GRID1: variants seen among roughly 807,000 people sequenced by gnomAD.
GRID1 encodes glutamate receptor ionotropic, delta-1.
GRID1 carries 28 observed loss-of-function variants against 98.0 expected under a neutral mutation model. The observed-to-expected ratio is 0.29, with a 90% CI of 0.21 to 0.39. The LOEUF is 0.39. Ranked by LOEUF, GRID1 falls within the 10% of genes least tolerant of loss-of-function variation. The pLI, the probability that GRID1 is intolerant of heterozygous loss-of-function variation, is 1.00. For synonymous variants in GRID1, 553 were observed against 538.5 expected (o/e 1.03, Z -0.37); for missense variants, 1,111 against 1,340.5 (o/e 0.83, Z 2.67).
chr10:86,180,578 C>T (rs559165004), intron 3 of GRID1, among the ~76,000 whole-genome samples: 2 of 152,298 alleles, frequency 1.3e-5, no homozygotes, highest in African/African-American at 2.4e-5. Flanking sequence ...TGGGCAGAGG[C>T]CTGAGCACCC....
intron 12 of GRID1, among the ~76,000 whole-genome samples, chr10:85,689,472 T>G (rs1464255671): frequency 6.7e-6 from 1 of 148,324 alleles, no homozygotes; most frequent in Admixed American, 6.7e-5. Context: ...TAATAAAAGG[T>G]CTATAGTTAT....
At chr10:86,275,206 C>T (rs974365531) in intron 2 of GRID1, among the ~76,000 whole-genome samples, 2 of 152,018 alleles carry the variant, frequency 1.3e-5, no homozygotes, top group East Asian at 3.9e-4. Flanking sequence ...TCAGTGATCA[C>T]ACAAGACAAT....
At chr10:86,263,464 C>G (rs368583747) in intron 2 of GRID1, among the ~76,000 whole-genome samples, 2 of 152,240 alleles carry the variant, frequency 1.3e-5, no homozygotes, top group African/African-American at 4.8e-5. Context: ...TTCCAGCGTG[C>G]AGCACCAAGT....
intron 3 of GRID1, among the ~76,000 whole-genome samples, chr10:86,149,637 A>G (rs545747087): frequency 6.6e-6 from 1 of 152,354 alleles, no homozygotes; most frequent in East Asian, 1.9e-4. Context: ...CTACTCTGGC[A>G]CTTTCGAAAA....
chr10:85,847,306 T>C (rs1244250798), intron 8 of GRID1, among the ~76,000 whole-genome samples: 2 of 152,154 alleles, frequency 1.3e-5, no homozygotes, highest in African/African-American at 4.8e-5. Context: ...CAAGTTGAGA[T>C]ATGAAAAAGA....
At chr10:85,861,748 G>C (rs1230894510) in intron 6 of GRID1, among the ~76,000 whole-genome samples, 2 of 152,216 alleles carry the variant, frequency 1.3e-5, no homozygotes, top group Non-Finnish European at 2.9e-5. Flanking sequence ...ACAAAGGCCA[G>C]CTGCAGTCCA....
intron 4 of GRID1, among the ~76,000 whole-genome samples, chr10:86,003,538 C>T (rs989922520): frequency 2.0e-5 from 3 of 152,224 alleles, no homozygotes; most frequent in Non-Finnish European, 4.4e-5. Flanking sequence ...GCCAAGGCCA[C>T]CAGCAGCCAG....
chr10:86,272,009 A>G (rs1031453685), intron 2 of GRID1, among the ~76,000 whole-genome samples: 5 of 152,162 alleles, frequency 3.3e-5, no homozygotes, highest in Non-Finnish European at 7.4e-5. Context: ...ATCAAGATAA[A>G]GAGAAAATCT....
chr10:86,009,284 C>T (rs1842899172), intron 4 of GRID1, among the ~76,000 whole-genome samples: 1 of 152,106 alleles, frequency 6.6e-6, no homozygotes, highest in Non-Finnish European at 1.5e-5. Context: ...CATTTCTCAA[C>T]TCAATACCAC....
At chr10:85,879,282 C>T (rs531525727) in intron 5 of GRID1, among the ~76,000 whole-genome samples, 27 of 152,240 alleles carry the variant, frequency 1.8e-4, no homozygotes, top group African/African-American at 6.3e-4. Context: ...TAATAGACAT[C>T]TACAGAACTC....
At chr10:86,087,948 C>T (rs995537110) in intron 4 of GRID1, among the ~76,000 whole-genome samples, 8 of 152,226 alleles carry the variant, frequency 5.3e-5, no homozygotes, top group Non-Finnish European at 8.8e-5. Flanking sequence ...ATGCAGAGCA[C>T]GTCCTACAGT....
chr10:85,675,171 T>C (rs1841130398), intron 12 of GRID1, among the ~76,000 whole-genome samples: 2 of 152,210 alleles, frequency 1.3e-5, no homozygotes, highest in African/African-American at 4.8e-5. Flanking sequence ...ATTCATACTC[T>C]TGGAGGGTCT....
chr10:85,681,844 G>A (rs375895276), intron 12 of GRID1, among the ~76,000 whole-genome samples: 7 of 152,068 alleles, frequency 4.6e-5, no homozygotes, highest in South Asian at 2.1e-4. Flanking sequence ...CATGCTCAGC[G>A]CAGTGTCTGT....
chr10:86,032,366 C>A (rs1428185743), intron 4 of GRID1, among the ~76,000 whole-genome samples: 4 of 151,980 alleles, frequency 2.6e-5, no homozygotes, highest in Non-Finnish European at 4.4e-5. Flanking sequence ...ATGACGATGG[C>A]AGTTTTGTCG....
At chr10:86,053,443 C>T (rs1166382257) in intron 4 of GRID1, among the ~76,000 whole-genome samples, 4 of 151,896 alleles carry the variant, frequency 2.6e-5, no homozygotes, top group African/African-American at 4.8e-5. Flanking sequence ...CTGCAACCTC[C>T]GCCTCCCTGG....
Position 86,260,449 on chromosome 10 carries a change from C to T in GRID1, c.236-53801G>A, listed in dbSNP as rs376747819. On this transcript the variant is annotated intron_variant, in intron 2 of 15. Transcript: ENST00000327946. ...ACTTCTATGCTCCCACCACCCCAAC[C>T]ATGTGTCCCACTCTGTCTTCCTGGT... is the stretch of plus-strand genomic sequence containing the variant. Among the ~76,000 whole-genome samples the T allele has an allele frequency of 2.2e-4, 33 of 152,364 alleles. 1 individual carries two copies. In the South Asian group the frequency reaches 6.8e-3, roughly 32 times the overall value.
rs145905031 is a variant in GRID1 at position 85,664,655 on chromosome 10, G to A, written c.1998-17258C>T. ...AGGCATGGGTACCTTGGAAGTGGCAGTGGCAGCAATATTAGAATCTGAGGT... is the reference window on the plus strand; with the variant it reads ...AGGCATGGGTACCTTGGAAGTGGCAATGGCAGCAATATTAGAATCTGAGGT... On this transcript the variant is annotated intron_variant, in intron 12 of 15. Coordinates refer to ENST00000327946, the MANE Select transcript of GRID1 (RefSeq NM_017551.3). Among the ~76,000 whole-genome samples the A allele has an allele frequency of 4.7e-3, 718 of 152,328 alleles. 1 individual carries two copies. Among genetic ancestry groups the A allele is most frequent in the Non-Finnish European group, 8.1e-3 (548 of 68,032 alleles).
At chr10:85,607,523 G>A (rs998038410) in intron 15 of GRID1, among the ~76,000 whole-genome samples, 2 of 152,164 alleles carry the variant, frequency 1.3e-5, no homozygotes, top group East Asian at 1.9e-4. Flanking sequence ...AAGGACAAAG[G>A]AGCTCAAGTA....
chr10:86,292,762 G>A (rs948756998), intron 2 of GRID1, among the ~76,000 whole-genome samples: 1 of 151,918 alleles, frequency 6.6e-6, no homozygotes, highest in Non-Finnish European at 1.5e-5. Context: ...GTGGGTGTGA[G>A]TGTGACGGTG....
Sources: gnomAD v4.1 joint callset for allele counts (sites outside exome capture counted in the v4.1 genomes callset) on GRCh38, gnomAD v4.1.1 for gene constraint, MANE v1.5 for transcripts, NCBI Gene and HGNC (gene_info 2026-07-23, HGNC 2026-07-21) for gene names.